UGGT2: variants seen among roughly 807,000 people sequenced by gnomAD.
UGGT2 encodes the protein UDP-glucose:glycoprotein glucosyltransferase 2.
Under a neutral mutation model 192.1 loss-of-function variants are expected in UGGT2, and 180 were observed. That is an observed-to-expected ratio of 0.94 (90% CI 0.83 to 1.06). The LOEUF (loss-of-function observed/expected upper bound fraction) is 1.06. Among genes scored for constraint, UGGT2 ranks in the 50% least tolerant of loss-of-function variants. The pLI is 0.00. For missense variants in UGGT2, 1,849 were observed against 1,795.7 expected, an observed-to-expected ratio of 1.03 and a Z score of -0.54; for synonymous variants, 580 against 591.0, an observed-to-expected ratio of 0.98 and a Z score of 0.27.
At chr13:96,006,601 G>T (rs472788) in intron 5 of UGGT2, among the ~76,000 whole-genome samples, 52,901 of 136,326 alleles carry the variant, frequency 0.39, 10,484 homozygotes, top group Admixed American at 0.51. Context: ...TCAAGACTGG[G>T]TGACAGAGCG....
At chr13:95,813,158 C>A (rs1884660075) in intron 38 of UGGT2, among the ~76,000 whole-genome samples, 1 of 152,052 alleles carries the variant, frequency 6.6e-6, no homozygotes, top group African/African-American at 2.4e-5. Context: ...AACGTGGACA[C>A]AACTTTGGAA....
rs572292209 is a variant in UGGT2, at chr13:95,996,187, A to G, written c.758-52T>C. On this transcript the variant is annotated intron_variant, in intron 6 of 38. Transcript: ENST00000376747. The stretch of plus-strand genomic sequence containing the variant: ...ACAACAAAAATATTTTCAGACTGGG[A>G]AAAGAACATGTAATCAAAAATTAGA... 3.3e-6 allele frequency: 5 copies of G among 1,503,150 alleles called. No individual in the cohort carries two copies. In the African/African-American group the frequency reaches 7.0e-5, roughly 21 times the overall value. The allele number at this position is 1,503,150 out of a possible 1,614,324, so 93.1% of individuals were successfully genotyped here. A position where few individuals can be genotyped will look rare whatever the true frequency, so the allele number is the denominator to read the frequency against.
chr13:95,951,383 GAA>G (rs2050056117), intron 12 of UGGT2, among the ~76,000 whole-genome samples: 2 of 152,198 alleles, frequency 1.3e-5, no homozygotes, highest in South Asian at 2.1e-4. Flanking sequence ...GTCTGAGGAA[GAA>G]AAGAGAAAGG....
intron 38 of UGGT2, chr13:95,832,595 A>T (rs933625773): frequency 8.2e-5 from 29 of 355,250 alleles, no homozygotes; most frequent in Non-Finnish European, 1.3e-4. Flanking sequence ...GACTTGCTCA[A>T]ATTTTCACAT....
intron 27 of UGGT2, among the ~76,000 whole-genome samples, chr13:95,883,492 C>T (rs940124310): frequency 1.3e-5 from 2 of 152,140 alleles, no homozygotes; most frequent in East Asian, 1.9e-4. Flanking sequence ...GTAATCCCCA[C>T]GTCAGGGGAG....
At chr13:95,859,546 A>T in intron 33 of UGGT2, 45 bp downstream of exon 33, 1 of 1,359,184 alleles carries the variant, frequency 7.4e-7, no homozygotes, top group Non-Finnish European at 1.0e-6. Flanking sequence ...CAAATAATTT[A>T]CTATTCAAAC....
chr13:95,831,183 G>A (rs1010329431), intron 38 of UGGT2, among the ~76,000 whole-genome samples: 2 of 152,062 alleles, frequency 1.3e-5, no homozygotes, highest in Non-Finnish European at 2.9e-5. Flanking sequence ...TGTAAATGAC[G>A]AGTTAGTGGG....
At chr13:96,027,801 T>C (rs1322782694) in intron 2 of UGGT2, among the ~76,000 whole-genome samples, 3 of 152,252 alleles carry the variant, frequency 2.0e-5, no homozygotes, top group Non-Finnish European at 2.9e-5. Context: ...TCTTGATTAC[T>C]ATACCAGTGA....
At chr13:95,859,536 C>T in intron 33 of UGGT2, 55 bp downstream of exon 33, 1 of 1,327,598 alleles carries the variant, frequency 7.5e-7, no homozygotes. Context: ...TACAATGATA[C>T]AAATAATTTA....
In UGGT2 at chr13:95,902,576, TA is replaced by T. The variant is rs373534770; in HGVS notation, c.2502+277del. On this transcript the variant is annotated intron_variant, in intron 21 of 38. Coordinates refer to ENST00000376747, the MANE Select transcript of UGGT2 (RefSeq NM_020121.4). ...AATACCTGAGATTTACGTAACGCTT[TA>T]ACCCCCAATTCTTCACTTAAGTACA... Among the ~76,000 whole-genome samples, 726 of 152,138 alleles carry T rather than the reference TA, an allele frequency of 4.8e-3. 9 individuals are homozygous for T. The highest frequency in any genetic ancestry group is 0.016 in the African/African-American group (683 of 41,504).
intron 5 of UGGT2, among the ~76,000 whole-genome samples, chr13:96,010,515 C>T (rs1266276592): frequency 6.6e-6 from 1 of 152,066 alleles, no homozygotes; most frequent in Non-Finnish European, 1.5e-5. Flanking sequence ...TATCTTCCCT[C>T]ACTACTCCCC....
At chr13:95,814,306 G>T (rs970633337) in intron 38 of UGGT2, among the ~76,000 whole-genome samples, 1 of 152,310 alleles carries the variant, frequency 6.6e-6, no homozygotes. Flanking sequence ...GGTTGAACAC[G>T]GCAAGGCCAC....
At chr13:96,037,862 C>T (rs763360453) in intron 1 of UGGT2, among the ~76,000 whole-genome samples, 14 of 152,262 alleles carry the variant, frequency 9.2e-5, no homozygotes, top group East Asian at 3.9e-4. Context: ...AGCAGAATAA[C>T]GAACTATATA....
At chr13:95,970,336 C>G in intron 11 of UGGT2, 74 bp from the exon 12 acceptor site, 1 of 1,355,034 alleles carries the variant, frequency 7.4e-7, no homozygotes, top group African/African-American at 1.5e-5. Flanking sequence ...GTTTGATAGT[C>G]TTAAAGCATT....
At chr13:95,883,813 C>T (rs2047561735) in intron 27 of UGGT2, among the ~76,000 whole-genome samples, 1 of 152,124 alleles carries the variant, frequency 6.6e-6, no homozygotes, top group African/African-American at 2.4e-5. Context: ...CAAAACGCTT[C>T]CCTTTTTTGT....
chr13:95,965,633 C>A (rs1451832808), intron 12 of UGGT2, among the ~76,000 whole-genome samples: 1 of 144,436 alleles, frequency 6.9e-6, no homozygotes, highest in Non-Finnish European at 1.6e-5. Context: ...AGGTGATATA[C>A]CTAATGCTAA....
rs771290547 is a variant in UGGT2, at chr13:95,856,196, G to C, written c.3970C>G (p.Leu1324Val). ...KILFLDVLFP[L>V]AVDKIIFVDA... ...ACAAAAATGATTTTGTCCACTGCTA[G>C]TGGGAAAAGAACATCAAGGAAAAGA... The change falls in exon 34 of 39, where the codon CTA becomes GTA. Residue 1324 changes from leucine to valine, a missense_variant. Physicochemically the swap from Leu to Val is conservative, Grantham distance 32 (BLOSUM62 1). Coordinates refer to ENST00000376747, the MANE Select transcript of UGGT2 (RefSeq NM_020121.4). 1 of 1,613,280 alleles carries C rather than the reference G, an allele frequency of 6.2e-7. No individual in the cohort carries two copies. Among genetic ancestry groups the C allele is most frequent in the South Asian group, 1.1e-5 (1 of 90,974 alleles).
intron 15 of UGGT2, among the ~76,000 whole-genome samples, chr13:95,946,464 G>T (rs556682157): frequency 2.6e-5 from 4 of 152,276 alleles, no homozygotes; most frequent in Non-Finnish European, 5.9e-5. Context: ...AACCTTCTGG[G>T]CCCAAATGAT....
At chr13:95,912,216 A>C (rs1332768331) in intron 20 of UGGT2, among the ~76,000 whole-genome samples, 1 of 151,976 alleles carries the variant, frequency 6.6e-6, no homozygotes, top group Admixed American at 6.6e-5. Flanking sequence ...TATTCAACAT[A>C]GTGTTGGAAG....
Sources: gnomAD v4.1 joint callset for allele counts (sites outside exome capture counted in the v4.1 genomes callset) on GRCh38, gnomAD v4.1.1 for gene constraint, MANE v1.5 for transcripts, NCBI Gene and HGNC (gene_info 2026-07-23, HGNC 2026-07-21) for gene names.